KIRREL1: variants seen among roughly 807,000 people sequenced by gnomAD.
KIRREL1 encodes kin of IRRE-like protein 1.
In KIRREL1, 25 loss-of-function variants were observed where a neutral mutation model predicts 83.3. The observed-to-expected ratio is 0.30, with a 90% confidence interval of 0.22 to 0.42. KIRREL1 has a LOEUF of 0.42. Among genes scored for constraint, KIRREL1 ranks in the 10% least tolerant of loss-of-function variants. KIRREL1 has a pLI of 1.00. For synonymous variants in KIRREL1, 388 were observed against 410.4 expected (o/e 0.95, Z 0.66); for missense variants, 812 against 1,032.3 (o/e 0.79, Z 2.92).
intron 1 of KIRREL1, among the ~76,000 whole-genome samples, chr1:158,006,506 G>T (rs1659522894): frequency 6.6e-6 from 1 of 152,224 alleles, no homozygotes; most frequent in Non-Finnish European, 1.5e-5. Flanking sequence ...GGTCATAGGC[G>T]AGACTGCCTC....
At chr1:158,048,552 G>A (rs1413606401) in intron 1 of KIRREL1, among the ~76,000 whole-genome samples, 3 of 152,210 alleles carry the variant, frequency 2.0e-5, no homozygotes, top group African/African-American at 4.8e-5. Context: ...CACAGCTACA[G>A]AATTACAGAA....
chr1:158,017,543 A>G (rs1393232089), intron 1 of KIRREL1, among the ~76,000 whole-genome samples: 1 of 151,898 alleles, frequency 6.6e-6, no homozygotes, highest in Non-Finnish European at 1.5e-5. Flanking sequence ...AATAATACAA[A>G]TTAGCTAGGC....
chr1:158,038,574 C>G (rs1352198723), intron 1 of KIRREL1, among the ~76,000 whole-genome samples: 1 of 142,416 alleles, frequency 7.0e-6, no homozygotes, highest in Non-Finnish European at 1.5e-5. Context: ...TGATTCTTGC[C>G]TTGGCCCCCC....
chr1:158,046,372 G>A (rs1022894745), intron 1 of KIRREL1, among the ~76,000 whole-genome samples: 3 of 152,176 alleles, frequency 2.0e-5, no homozygotes, highest in Admixed American at 2.0e-4. Flanking sequence ...GTTTGGGGGT[G>A]GAAGATCGGG....
intron 1 of KIRREL1, among the ~76,000 whole-genome samples, chr1:158,028,283 T>A (rs1660227702): frequency 1.3e-5 from 2 of 152,210 alleles, no homozygotes; most frequent in Admixed American, 1.3e-4. Context: ...AGGGTGTACC[T>A]TTGCATGGTA....
At chr1:158,084,815 G>T (rs185993691) in intron 4 of KIRREL1, among the ~76,000 whole-genome samples, 65 of 152,354 alleles carry the variant, frequency 4.3e-4, no homozygotes, top group Admixed American at 7.2e-4. Context: ...GTAATAATAA[G>T]TTGCCATGGA....
At chr1:158,020,349 G>A (rs542473786) in intron 1 of KIRREL1, among the ~76,000 whole-genome samples, 1 of 152,048 alleles carries the variant, frequency 6.6e-6, no homozygotes, top group African/African-American at 2.4e-5. Flanking sequence ...CACCCCCCAT[G>A]CCACTTTCTT....
rs889035289 is a variant in KIRREL1 at position 158,100,193 on chromosome 1, T to C, written c.*5073T>C. 6 of 149,640 alleles carry C rather than the reference T, an allele frequency of 4.0e-5. No homozygotes were observed. Among genetic ancestry groups the C allele is most frequent in the Non-Finnish European group, 5.9e-5 (4 of 67,530 alleles). The allele number at this position is 149,640 out of a possible 1,614,324, so 9.3% of individuals were successfully genotyped here. ...AAAATATTATGTACTATATTTTTAG[T>C]CTCAAACACACTATATATTATATAT... is the stretch of plus-strand genomic sequence containing the variant. On this transcript the variant is annotated 3_prime_UTR_variant, in exon 15 of 15. Transcript: ENST00000359209.
intron 1 of KIRREL1, among the ~76,000 whole-genome samples, chr1:158,058,793 G>A (rs1205435062): frequency 6.6e-6 from 1 of 152,096 alleles, no homozygotes; most frequent in African/African-American, 2.4e-5. Context: ...AGAGTGACAG[G>A]CCAACTCCAT....
intron 1 of KIRREL1, among the ~76,000 whole-genome samples, chr1:158,033,252 G>A (rs9727642): frequency 0.91 from 138,804 of 152,038 alleles, 63,966 homozygotes; most frequent in East Asian, 0.99. Context: ...TTGTATTTTT[G>A]GTAAAGACGG....
At chr1:158,024,065 A>C (rs746771823) in intron 1 of KIRREL1, among the ~76,000 whole-genome samples, 54 of 151,864 alleles carry the variant, frequency 3.6e-4, no homozygotes, top group Non-Finnish European at 6.9e-4. Context: ...CTCTTGCCTT[A>C]GCCTCTCAAG....
intron 1 of KIRREL1, among the ~76,000 whole-genome samples, chr1:158,012,218 A>G (rs559593135): frequency 1.4e-4 from 21 of 152,266 alleles, no homozygotes; most frequent in African/African-American, 5.1e-4. Context: ...TGGGCAAGAC[A>G]TGTGCTTTTT....
rs1661353165 is a variant in KIRREL1, at chr1:158,066,185, C to T, written c.53-9928C>T. Among the ~76,000 whole-genome samples the T allele has an allele frequency of 3.3e-5, 5 of 152,220 alleles. No individual in the cohort carries two copies. In the South Asian group the frequency reaches 1.0e-3, roughly 32 times the overall value. On this transcript the variant is annotated intron_variant, in intron 1 of 14. Transcript: ENST00000359209. ...CACCGGGAATTTGGAGACATGCCAA[C>T]TCCACATCCCTCCCTCCCTCCCTGA...
intron 8 of KIRREL1, among the ~76,000 whole-genome samples, chr1:158,088,939 A>G (rs1015430843): frequency 2.6e-5 from 4 of 151,838 alleles, no homozygotes; most frequent in African/African-American, 9.7e-5. Flanking sequence ...CTCACAGGAA[A>G]GCCCAGTTCA....
At chr1:158,029,378 C>CGCGT (rs1557995118) in intron 1 of KIRREL1, among the ~76,000 whole-genome samples, 2 of 27,812 alleles carry the variant, frequency 7.2e-5, no homozygotes, top group Non-Finnish European at 2.0e-4. Flanking sequence ...CACGTGCGCG[C>CGCGT]GCATGCACAC....
In KIRREL1 at chr1:158,081,958, G is replaced by A. The variant is rs939717641; in HGVS notation, c.353-2464G>A. Reference sequence around the variant, plus strand: ...TCTGCCCATCCAGGATCTTCCTCCTGGGTGTGGCAGCAACATGTGACTTTA... The same window carrying A: ...TCTGCCCATCCAGGATCTTCCTCCTAGGTGTGGCAGCAACATGTGACTTTA... On this transcript the variant is annotated intron_variant, in intron 3 of 14. Transcript: ENST00000359209. 5.9e-5 allele frequency among the ~76,000 whole-genome samples: 9 copies of A among 152,142 alleles called. No homozygotes were observed. In the South Asian group the frequency reaches 1.0e-3, roughly 18 times the overall value.
intron 1 of KIRREL1, among the ~76,000 whole-genome samples, chr1:158,020,688 T>C (rs925400157): frequency 4.0e-5 from 6 of 148,582 alleles, no homozygotes; most frequent in African/African-American, 1.5e-4. Flanking sequence ...CTATAATTAA[T>C]GTTTAACTCA....
At position 158,091,439 on chromosome 1, in the gene KIRREL1, G is replaced by A; in HGVS notation, c.1354G>A (p.Val452Met). 6.2e-7 allele frequency: 1 copy of A among 1,614,196 alleles called. No individual in the cohort carries two copies. The highest frequency in any genetic ancestry group is 8.5e-7 in the Non-Finnish European group (1 of 1,180,036). ...GGAGAGGACCAACTCAGGCAGTGGG[G>A]TGCTATCCACGCTCACCATCAACAA... ...TVERTNSGSG[V>M]LSTLTINNVM... The change falls in exon 11 of 15, where the codon GTG becomes ATG. Residue 452 changes from valine (V) to methionine (M), a missense_variant. Transcript: ENST00000359209.
At chr1:158,036,591 G>A (rs1570936135) in intron 1 of KIRREL1, among the ~76,000 whole-genome samples, 1 of 152,126 alleles carries the variant, frequency 6.6e-6, no homozygotes, top group African/African-American at 2.4e-5. Context: ...GAGGAGGATG[G>A]TGTAAGTTCT....
Sources: allele counts gnomAD v4.1 joint callset (sites outside exome capture counted in the v4.1 genomes callset), GRCh38; gene constraint gnomAD v4.1.1; transcripts MANE v1.5; gene names NCBI Gene and HGNC (gene_info 2026-07-23, HGNC 2026-07-21).